Variants in EPHA5 observed in about 807,000 individuals in gnomAD.
EPHA5 encodes the protein ephrin type-A receptor 5.
In EPHA5, 60 loss-of-function variants were observed where a neutral mutation model predicts 105.0. The ratio of observed to expected loss-of-function variants is 0.57; its 90% CI spans 0.46 to 0.71. The LOEUF (loss-of-function observed/expected upper bound fraction) is 0.71. Among genes scored for constraint, EPHA5 ranks in the 30% least tolerant of loss-of-function variants. EPHA5 has a pLI of 0.00. For synonymous variants in EPHA5, 513 were observed against 449.1 expected (o/e 1.14, Z -1.80); for missense variants, 1,218 against 1,274.7 (o/e 0.96, Z 0.68).
intron 5 of EPHA5, among the ~76,000 whole-genome samples, chr4:65,462,365 T>C (rs34510682): frequency 0.21 from 32,645 of 152,158 alleles, 4,408 homozygotes; most frequent in Middle Eastern, 0.37. Flanking sequence ...ATATTGACTA[T>C]TTATTTACCA....
chr4:65,340,048 A>G (rs1165539514), intron 14 of EPHA5, among the ~76,000 whole-genome samples: 2 of 152,122 alleles, frequency 1.3e-5, no homozygotes, highest in African/African-American at 4.8e-5. Context: ...TCCCTGGGGG[A>G]GGACAAATTT....
At chr4:65,453,259 A>G (rs1432022904) in intron 5 of EPHA5, among the ~76,000 whole-genome samples, 1 of 152,202 alleles carries the variant, frequency 6.6e-6, no homozygotes, top group Non-Finnish European at 1.5e-5. Context: ...ATCTACATAA[A>G]TCACTAAATA....
intron 1 of EPHA5, among the ~76,000 whole-genome samples, chr4:65,645,415 G>A (rs1748031328): frequency 6.6e-6 from 1 of 152,054 alleles, no homozygotes; most frequent in African/African-American, 2.4e-5. Flanking sequence ...CAATCAAATT[G>A]AACTTAATCC....
At chr4:65,419,123 G>A (rs548668469) in intron 6 of EPHA5, among the ~76,000 whole-genome samples, 10 of 151,572 alleles carry the variant, frequency 6.6e-5, no homozygotes, top group Non-Finnish European at 1.0e-4. Context: ...GACCTCAGGC[G>A]ACCACCCGCC....
chr4:65,431,984 C>T (rs761287021), intron 5 of EPHA5, among the ~76,000 whole-genome samples: 43 of 151,988 alleles, frequency 2.8e-4, no homozygotes, highest in Non-Finnish European at 5.6e-4. Flanking sequence ...AATATCATCA[C>T]TAAAGACATA....
At chr4:65,460,940 G>A (rs1728063854) in intron 5 of EPHA5, among the ~76,000 whole-genome samples, 3 of 151,794 alleles carry the variant, frequency 2.0e-5, no homozygotes, top group Admixed American at 2.0e-4. Flanking sequence ...ATAATTTAAT[G>A]TGGTTAATCA....
intron 3 of EPHA5, among the ~76,000 whole-genome samples, chr4:65,594,592 G>T (rs1374106431): frequency 6.6e-6 from 1 of 152,134 alleles, no homozygotes; most frequent in Non-Finnish European, 1.5e-5. Flanking sequence ...GAGAAAGTAG[G>T]AGTGCAGACC....
chr4:65,644,480 C>T (rs182608855), intron 1 of EPHA5, among the ~76,000 whole-genome samples: 10 of 152,136 alleles, frequency 6.6e-5, no homozygotes, highest in Admixed American at 6.5e-4. Flanking sequence ...GGTATTGAGG[C>T]TTCCTTAAGC....
intron 16 of EPHA5, chr4:65,331,282 G>T: frequency 9.7e-7 from 1 of 1,029,470 alleles, no homozygotes; most frequent in Non-Finnish European, 1.2e-6. Flanking sequence ...CATGTACAGA[G>T]TATATAATAA....
At position 65,512,654 on chromosome 4, in the gene EPHA5, A is replaced by G. The variant is rs571321163; in HGVS notation, c.911-17111T>C. Among the ~76,000 whole-genome samples, 622 of 152,278 alleles carry G rather than the reference A, an allele frequency of 4.1e-3. 2 individuals carry two copies. The highest frequency in any genetic ancestry group is 7.1e-3 in the Non-Finnish European group (484 of 68,028). ...TTCTGAGGACCCCTAGAGGCCCAGC[A>G]GAAGCCAATAGGGCTTCCTGTAAAA... On this transcript the variant is annotated intron_variant, in intron 3 of 16. Transcript: ENST00000613740.
At chr4:65,446,524 A>G (rs748067969) in intron 5 of EPHA5, among the ~76,000 whole-genome samples, 8 of 152,224 alleles carry the variant, frequency 5.3e-5, no homozygotes, top group Non-Finnish European at 1.0e-4. Flanking sequence ...TGTGGAAATA[A>G]CTATAGTGGT....
At chr4:65,578,394 G>A (rs1293088167) in intron 3 of EPHA5, among the ~76,000 whole-genome samples, 1 of 152,156 alleles carries the variant, frequency 6.6e-6, no homozygotes, top group African/African-American at 2.4e-5. Context: ...TGTGGGTGGA[G>A]GAAAAGGATA....
At chr4:65,668,162 G>T (rs68163133) in intron 1 of EPHA5, among the ~76,000 whole-genome samples, 31,341 of 152,056 alleles carry the variant, frequency 0.21, 3,650 homozygotes, top group Non-Finnish European at 0.25. Context: ...GAAAGTTCAT[G>T]GGATGAGGGC....
rs143678057 is a variant in EPHA5 at position 65,631,261 on chromosome 4, T to G, written c.246+12102A>C. On this transcript the variant is annotated intron_variant, in intron 2 of 16. Coordinates refer to ENST00000613740, the MANE Select transcript of EPHA5 (RefSeq NM_001281766.3). ...GCATTCCTGTTTTGATTTGTGAAAC[T>G]GAATTGTTCATATCAGTGAAAAACA... is the stretch of plus-strand genomic sequence containing the variant. Among the ~76,000 whole-genome samples, 1,401 of 152,302 alleles carry G rather than the reference T, an allele frequency of 9.2e-3. 22 individuals are homozygous for G. Among genetic ancestry groups the G allele is most frequent in the African/African-American group, 0.032 (1,317 of 41,578 alleles).
chr4:65,378,453 C>T (rs1181574238), intron 8 of EPHA5, among the ~76,000 whole-genome samples: 1 of 151,824 alleles, frequency 6.6e-6, no homozygotes, highest in Non-Finnish European at 1.5e-5. Context: ...TTAATGTCTC[C>T]AACAATTACT....
chr4:65,543,621 C>A (rs1392697986), intron 3 of EPHA5, among the ~76,000 whole-genome samples: 2 of 151,866 alleles, frequency 1.3e-5, no homozygotes, highest in African/African-American at 4.8e-5. Flanking sequence ...TTGGAAGAAT[C>A]AATATCACGA....
At chr4:65,505,981 C>G (rs112573579) in intron 3 of EPHA5, among the ~76,000 whole-genome samples, 1 of 152,022 alleles carries the variant, frequency 6.6e-6, no homozygotes, top group Admixed American at 6.6e-5. Flanking sequence ...GGTATATCTC[C>G]GAATGCTATC....
intron 2 of EPHA5, among the ~76,000 whole-genome samples, chr4:65,622,299 C>G (rs572401322): frequency 6.6e-6 from 1 of 152,052 alleles, no homozygotes; most frequent in South Asian, 2.1e-4. Context: ...TTAGAAATAA[C>G]GGTAAATTCA....
chr4:65,647,252 C>A (rs906899845), intron 1 of EPHA5, among the ~76,000 whole-genome samples: 2 of 146,706 alleles, frequency 1.4e-5, no homozygotes, highest in Non-Finnish European at 3.0e-5. Flanking sequence ...TGGTGTGAAC[C>A]TGGGAGGCGG....
Sources: gnomAD v4.1 joint callset for allele counts (sites outside exome capture counted in the v4.1 genomes callset) on GRCh38, gnomAD v4.1.1 for gene constraint, MANE v1.5 for transcripts, NCBI Gene and HGNC (gene_info 2026-07-23, HGNC 2026-07-21) for gene names.